ACOXL: variants seen among roughly 807,000 people sequenced by gnomAD.
ACOXL encodes acyl-CoA oxidase like.
A neutral mutation model predicts 71.9 loss-of-function variants in ACOXL; 70 were observed. That is an observed-to-expected ratio of 0.97 (90% CI 0.80 to 1.19). The LOEUF is 1.19. Among genes scored for constraint, ACOXL ranks in the 50% most tolerant of loss-of-function variants. ACOXL has a pLI of 0.00. For synonymous variants in ACOXL, 253 were observed against 281.6 expected (o/e 0.90, Z 1.02); for missense variants, 703 against 736.3 (o/e 0.95, Z 0.52).
At chr2:110,993,284 C>T (rs1375620207) in intron 13 of ACOXL, among the ~76,000 whole-genome samples, 1 of 152,168 alleles carries the variant, frequency 6.6e-6, no homozygotes, top group Non-Finnish European at 1.5e-5. Flanking sequence ...TTCTTTCATG[C>T]CCCTTCTTGG....
chr2:110,919,615 A>G (rs2059993368), intron 11 of ACOXL, among the ~76,000 whole-genome samples: 2 of 152,216 alleles, frequency 1.3e-5, no homozygotes, highest in South Asian at 4.1e-4. Context: ...TGACAAAGAC[A>G]CAGAGTTGTT....
intron 12 of ACOXL, among the ~76,000 whole-genome samples, chr2:110,968,906 G>T (rs1394778415): frequency 6.6e-6 from 1 of 152,072 alleles, no homozygotes; most frequent in Non-Finnish European, 1.5e-5. Context: ...CTTCAAGATG[G>T]ACTGTATCCT....
intron 9 of ACOXL, among the ~76,000 whole-genome samples, chr2:110,810,390 C>T (rs1237582986): frequency 6.6e-6 from 1 of 152,192 alleles, no homozygotes; most frequent in Non-Finnish European, 1.5e-5. Context: ...TAGAGCCCTA[C>T]ATGTCATGGA....
intron 12 of ACOXL, among the ~76,000 whole-genome samples, chr2:110,973,476 T>G (rs1284872858): frequency 6.6e-6 from 1 of 152,168 alleles, no homozygotes; most frequent in African/African-American, 2.4e-5. Flanking sequence ...ATATGCAGAC[T>G]CAGCAAGAAA....
chr2:110,805,378 G>C lies in ACOXL; in HGVS notation c.736G>C (p.Ala246Pro). 4 of 1,614,238 alleles carry C rather than the reference G, an allele frequency of 2.5e-6. No homozygotes were observed. Among genetic ancestry groups the C allele is most frequent in the Non-Finnish European group, 3.4e-6 (4 of 1,180,046 alleles). Reference protein sequence around the residue: ...TPSRLAVAFQAMGAMKLGLTI... With the variant: ...TPSRLAVAFQPMGAMKLGLTI... ...TTCGAGATTAGCTGTGGCTTTCCAA[G>C]CTATGGGTGCCATGAAGGTAATTGA... Residue 246 changes from alanine (A) to proline (P), a missense_variant, in exon 9 of 18, where the codon GCT (alanine) becomes CCT (proline). Ala to Pro is a conservative substitution (Grantham distance 27). Transcript: ENST00000439055.
rs116356990 is a variant in ACOXL, at chr2:110,972,272, A to G, written c.1060-14836A>G. 3.9e-3 allele frequency among the ~76,000 whole-genome samples: 593 copies of G among 152,326 alleles called. 4 individuals carry two copies. The highest frequency in any genetic ancestry group is 0.014 in the African/African-American group (562 of 41,566). On this transcript the variant is annotated intron_variant, in intron 12 of 17. Coordinates refer to ENST00000439055, the MANE Select transcript of ACOXL (RefSeq NM_001142807.4). ...ACTAAGAACACACACAAGTGCTCCA[A>G]GGCCTAGGCTGGGGAAGGAACCAGG... is the stretch of plus-strand genomic sequence containing the variant.
intron 10 of ACOXL, among the ~76,000 whole-genome samples, chr2:110,842,943 G>A (rs111658501): frequency 1.2e-3 from 183 of 152,274 alleles, no homozygotes; most frequent in African/African-American, 4.3e-3. Flanking sequence ...TCCTGCAGAC[G>A]GGTGCTCTTC....
chr2:110,929,693 G>A (rs985932008), intron 11 of ACOXL, among the ~76,000 whole-genome samples: 1 of 152,222 alleles, frequency 6.6e-6, no homozygotes, highest in Non-Finnish European at 1.5e-5. Flanking sequence ...TGGTCTCATG[G>A]GCCAGGCCCA....
intron 1 of ACOXL, among the ~76,000 whole-genome samples, chr2:110,746,119 G>T (rs577904117): frequency 2.6e-5 from 4 of 152,282 alleles, no homozygotes; most frequent in African/African-American, 9.6e-5. Flanking sequence ...TTGCCCATGG[G>T]TTGAGACCAG....
intron 14 of ACOXL, among the ~76,000 whole-genome samples, chr2:111,023,574 G>A (rs2064878372): frequency 1.3e-5 from 2 of 152,162 alleles, no homozygotes; most frequent in African/African-American, 4.8e-5. Flanking sequence ...TGTGGGAGAA[G>A]GGGCCCCATG....
Position 110,881,450 on chromosome 2 carries a change from C to CATAT in ACOXL, c.789-27328_789-27325dup, listed in dbSNP as rs760129818. On this transcript the variant is annotated intron_variant, in intron 10 of 17. Coordinates refer to ENST00000439055, the MANE Select transcript of ACOXL (RefSeq NM_001142807.4). ...TAATATAACCTGTTTTCTTTGTAAT[C>CATAT]ATATATATATATATGCTTTATTAAG... Among the ~76,000 whole-genome samples the CATAT allele has an allele frequency of 6.0e-5, 9 of 150,480 alleles. No homozygotes were observed. The South Asian group carries it at 1.9e-3, about 32-fold the overall frequency.
intron 16 of ACOXL, among the ~76,000 whole-genome samples, chr2:111,091,508 A>T (rs1421618869): frequency 1.3e-5 from 2 of 152,222 alleles, no homozygotes; most frequent in Admixed American, 6.5e-5. Context: ...TTTGTAGCAC[A>T]TAAGAAGTTC....
intron 10 of ACOXL, among the ~76,000 whole-genome samples, chr2:110,892,524 A>G (rs534207929): frequency 6.6e-6 from 1 of 152,274 alleles, no homozygotes; most frequent in African/African-American, 2.4e-5. Context: ...AAAGTTTTCA[A>G]TGGAGGATGA....
chr2:110,814,384 G>A (rs1687681699), intron 9 of ACOXL, among the ~76,000 whole-genome samples: 1 of 152,082 alleles, frequency 6.6e-6, no homozygotes, highest in South Asian at 2.1e-4. Context: ...TGGGGAAAAG[G>A]GCCATTTAGA....
At chr2:110,849,569 C>G (rs895350879) in intron 10 of ACOXL, among the ~76,000 whole-genome samples, 2 of 152,172 alleles carry the variant, frequency 1.3e-5, no homozygotes, top group African/African-American at 4.8e-5. Context: ...ACCAGCCTGG[C>G]CAACATGGTG....
chr2:110,744,794 C>T (rs911022169), intron 1 of ACOXL, among the ~76,000 whole-genome samples: 1 of 152,112 alleles, frequency 6.6e-6, no homozygotes, highest in Non-Finnish European at 1.5e-5. Context: ...TGCTTACTTG[C>T]GAGATCTGTC....
chr2:110,766,628 A>G (rs1681105582), intron 1 of ACOXL, among the ~76,000 whole-genome samples: 1 of 152,266 alleles, frequency 6.6e-6, no homozygotes, highest in African/African-American at 2.4e-5. Flanking sequence ...TTAAGTGCCA[A>G]CTGACCCTCT....
At chr2:110,765,941 G>T (rs1389655243) in intron 1 of ACOXL, among the ~76,000 whole-genome samples, 1 of 152,082 alleles carries the variant, frequency 6.6e-6, no homozygotes, top group East Asian at 1.9e-4. Context: ...CATCTAGTGA[G>T]ATTTAAAAAA....
chr2:110,878,925 G>C (rs577628556), intron 10 of ACOXL, among the ~76,000 whole-genome samples: 1 of 151,974 alleles, frequency 6.6e-6, no homozygotes, highest in Non-Finnish European at 1.5e-5. Context: ...AGGCATGGTG[G>C]TGGGTGCCTG....
Sources: allele counts gnomAD v4.1 joint callset (sites outside exome capture counted in the v4.1 genomes callset), GRCh38; gene constraint gnomAD v4.1.1; transcripts MANE v1.5; gene names NCBI Gene and HGNC (gene_info 2026-07-23, HGNC 2026-07-21).